SEMA3B: variants seen among roughly 807,000 people sequenced by gnomAD.
SEMA3B encodes the protein semaphorin 3B, also known as semaphorin-3B.
Under a neutral mutation model 77.8 loss-of-function variants are expected in SEMA3B, and 71 were observed. That is an observed-to-expected ratio of 0.91 (90% CI 0.75 to 1.11). SEMA3B has a LOEUF of 1.11. Among genes scored for constraint, SEMA3B ranks in the 50% most tolerant of loss-of-function variants. The probability of loss-of-function intolerance (pLI) is 0.00; values close to 1 mark genes in which losing one functional copy is unlikely to be tolerated. For missense variants in SEMA3B, 968 were observed against 1,056.8 expected, an observed-to-expected ratio of 0.92 and a Z score of 1.17; for synonymous variants, 470 against 452.9, an observed-to-expected ratio of 1.04 and a Z score of -0.48.
rs1701225343 is a variant in SEMA3B at position 50,275,997 on chromosome 3, C to T, written c.1845+153C>T. 1 of 1,091,766 alleles carries T rather than the reference C, an allele frequency of 9.2e-7. No individual in the cohort carries two copies. The highest frequency in any genetic ancestry group is 1.3e-6 in the Non-Finnish European group (1 of 788,818). The allele number at this position is 1,091,766 out of a possible 1,614,324, so 67.6% of individuals were successfully genotyped here. A position where few individuals can be genotyped will look rare whatever the true frequency, so the allele number is the denominator to read the frequency against. ...ACCTGCACTCCACAAGCTGCTGAGG[C>T]CCCATTGCGTCCAACGGGGCTCCCG... is the stretch of plus-strand genomic sequence containing the variant. On this transcript the variant is annotated intron_variant, in intron 16 of 16. Coordinates refer to ENST00000616701, the MANE Select transcript of SEMA3B (RefSeq NM_001290060.2). This position sits in a 1 kb window ranked among gnomAD's most constrained non-coding sequence, Gnocchi z 7.5.
Position 50,273,537 on chromosome 3 carries a change from C to G in SEMA3B, c.813C>G (p.Asn271Lys), listed in dbSNP as rs782817277. The change falls in exon 8 of 17, where the codon AAC becomes AAG. Residue 271 changes from asparagine (N) to lysine (K), a missense_variant and splice_region_variant. Coordinates refer to ENST00000616701, the MANE Select transcript of SEMA3B (RefSeq NM_001290060.2). The surrounding 1 kb of genome is among the most constrained non-coding windows in gnomAD (Gnocchi z 6.5). ...SVSRVGQICR[N>K]DVGGQRSLVN... ...ATCCCCTTTGATCGTCCCGGCAGAA[C>G]GACGTGGGCGGCCAGCGCAGCCTGG... is the stretch of plus-strand genomic sequence containing the variant. The G allele has an allele frequency of 6.2e-7, 1 of 1,612,430 alleles. No homozygotes were observed.
At position 50,276,587 on chromosome 3, in the gene SEMA3B, C is replaced by T. The variant is rs782506368; in HGVS notation, c.2131C>T (p.Arg711Cys). The change falls in exon 17 of 17, where the codon CGC (arginine) becomes TGC (cysteine). Residue 711 changes from arginine to cysteine, a missense_variant. Coordinates refer to ENST00000616701, the MANE Select transcript of SEMA3B (RefSeq NM_001290060.2). This position sits in a 1 kb window ranked among gnomAD's most constrained non-coding sequence, Gnocchi z 5.8. ...CAGCGCGAACTCCCTGCGCATGTGC[C>T]GCCCGCAGCCTGCGCTGCAGTCACT... ...GGSANSLRMC[R>C]PQPALQSLPL... The T allele has an allele frequency of 6.4e-6, 10 of 1,563,298 alleles. No individual in the cohort carries two copies. The highest frequency in any genetic ancestry group is 8.6e-6 in the Non-Finnish European group (10 of 1,160,616).
In SEMA3B at chr3:50,270,949, C is replaced by G. The variant is rs1553705238; in HGVS notation, c.390C>G (p.Ala130=). 1 of 1,611,812 alleles carries G rather than the reference C, an allele frequency of 6.2e-7. No individual in the cohort carries two copies. Among genetic ancestry groups the G allele is most frequent in the Non-Finnish European group, 8.5e-7 (1 of 1,179,000 alleles). The part of the protein sequence containing the change: ...LHAYNRTHLL[A]CGTGAFHPTC... ...CCTACAACCGCACCCATTTGCTGGC[C>G]TGTGGCACGGGAGCCTTCCACCCAA... Residue 130 remains alanine (A), a synonymous_variant, in exon 4 of 17, where the codon GCC becomes GCG. Transcript: ENST00000616701. This position sits in a 1 kb window ranked among gnomAD's most constrained non-coding sequence, Gnocchi z 4.7.
Position 50,274,667 on chromosome 3 carries a change from T to C in SEMA3B, c.1357+85T>C. On this transcript the variant is annotated intron_variant, in intron 11 of 16. Coordinates refer to ENST00000616701, the MANE Select transcript of SEMA3B (RefSeq NM_001290060.2). The surrounding 1 kb of genome is among the most constrained non-coding windows in gnomAD (Gnocchi z 4.7). Reference sequence around the variant, plus strand: ...GAAGCTCTCCCTGTTCAGTCCCATCTCCACATCCTTTCCTGGGCTGTGTCT... The same window carrying C: ...GAAGCTCTCCCTGTTCAGTCCCATCCCCACATCCTTTCCTGGGCTGTGTCT... The C allele has an allele frequency of 1.4e-6, 2 of 1,462,336 alleles. No homozygotes were observed. The highest frequency in any genetic ancestry group is 1.9e-6 in the Non-Finnish European group (2 of 1,076,488). The allele number at this position is 1,462,336 out of a possible 1,614,324, so 90.6% of individuals were successfully genotyped here.
Position 50,275,465 on chromosome 3 carries a change from CG to C in SEMA3B, c.1649+10del, listed in dbSNP as rs1553706405. 1 of 1,540,038 alleles carries C rather than the reference CG, an allele frequency of 6.5e-7. No homozygotes were observed. The highest frequency in any genetic ancestry group is 8.8e-7 in the Non-Finnish European group (1 of 1,134,958). ...TTCCAGCCCAGTGCCAAGAGGTGGG[CG>C]GGGTCGGGGTTGGGCCGCCGGGAGG... On this transcript the variant is annotated splice_region_variant and intron_variant, in intron 14 of 16. Coordinates refer to ENST00000616701, the MANE Select transcript of SEMA3B (RefSeq NM_001290060.2). This position sits in a 1 kb window ranked among gnomAD's most constrained non-coding sequence, Gnocchi z 7.5.
chr3:50,275,668 C>CTGCCT lies in SEMA3B; in HGVS notation c.1706-31_1706-27dup, dbSNP rs1701211964. 3.1e-6 allele frequency: 5 copies of CTGCCT among 1,612,916 alleles called. No individual in the cohort carries two copies. Among genetic ancestry groups the CTGCCT allele is most frequent in the Admixed American group, 1.7e-5 (1 of 59,982 alleles). On this transcript the variant is annotated intron_variant, in intron 15 of 16. Transcript: ENST00000616701. This position sits in a 1 kb window ranked among gnomAD's most constrained non-coding sequence, Gnocchi z 7.5. ...AGCCCCAGAAGACGCCCCACCTGCC[C>CTGCCT]TGCCTTGCCTAAATCTGACTTTCTT...
In SEMA3B at chr3:50,274,567, C is replaced by A. The variant is rs374036048; in HGVS notation, c.1342C>A (p.Leu448Ile). Residue 448 changes from leucine (L) to isoleucine (I), a missense_variant, in exon 11 of 17, where the codon CTC becomes ATC. Transcript: ENST00000616701. The surrounding 1 kb of genome is among the most constrained non-coding windows in gnomAD (Gnocchi z 4.7). The stretch of plus-strand genomic sequence containing the variant: ...AGCCGCTGACGGACACTATGACGTC[C>A]TCTTCATTGGCACAGGTCAGGGTCC... ...VAAADGHYDVLFIGTDVGTVL... is the reference protein window; with the variant it reads ...VAAADGHYDVIFIGTDVGTVL... The A allele has an allele frequency of 1.9e-6, 3 of 1,541,094 alleles. No homozygotes were observed. Among genetic ancestry groups the A allele is most frequent in the African/African-American group, 2.8e-5 (2 of 72,574 alleles).
rs587774246 is a variant in SEMA3B, at chr3:50,276,692, G to A, written c.2236G>A (p.Ala746Thr). Reference sequence around the variant, plus strand: ...TCGCGCTGAGCGGGGGCCGCGCAGCGCAACGCACTGGTGACCAGACTGTCC... The same window carrying A: ...TCGCGCTGAGCGGGGGCCGCGCAGCACAACGCACTGGTGACCAGACTGTCC... ...EPRAERGPRS[A>T]THW The change falls in exon 17 of 17, where the codon GCA becomes ACA. Residue 746 changes from alanine to threonine, a missense_variant. By Grantham distance (58) the Ala-to-Thr change is moderately conservative. Coordinates refer to ENST00000616701, the MANE Select transcript of SEMA3B (RefSeq NM_001290060.2). The surrounding 1 kb of genome is among the most constrained non-coding windows in gnomAD (Gnocchi z 5.8). 6.5e-7 allele frequency: 1 copy of A among 1,537,298 alleles called. No individual in the cohort carries two copies. The highest frequency in any genetic ancestry group is 8.7e-7 in the Non-Finnish European group (1 of 1,149,804).
the SEMA3B span, chr3:50,260,469 A>T: frequency 6.6e-6 from 1 of 152,118 alleles, no homozygotes; most frequent in Non-Finnish European, 1.5e-5. Context: ...GGCGCCCCCC[A>T]GGCCCGGTCC....
At chr3:50,260,766 G>A in the SEMA3B span, 1 of 152,444 alleles carries the variant, frequency 6.6e-6, no homozygotes, top group Admixed American at 6.5e-5. Flanking sequence ...CTCCCTCCCT[G>A]GGTGGGCCAT....
rs1553705906 is a variant in SEMA3B, at chr3:50,273,811, C to G, written c.975C>G (p.Ala325=). 6.3e-7 allele frequency: 1 copy of G among 1,583,132 alleles called. No individual in the cohort carries two copies. Among genetic ancestry groups the G allele is most frequent in the Non-Finnish European group, 8.6e-7 (1 of 1,165,568 alleles). The change falls in exon 9 of 17, where the codon GCC becomes GCG. Residue 325 remains alanine (A), a synonymous_variant. Coordinates refer to ENST00000616701, the MANE Select transcript of SEMA3B (RefSeq NM_001290060.2). The surrounding 1 kb of genome is among the most constrained non-coding windows in gnomAD (Gnocchi z 6.5). ...SRDHRTPLLY[A]VFSTSSSIFQ... ...ACCACCGGACCCCGCTGCTCTATGC[C>G]GTCTTCTCCACGTCCAGGTGAGGGG...
Position 50,270,538 on chromosome 3 carries a change from C to G in SEMA3B, c.330+43C>G. The G allele has an allele frequency of 6.2e-7, 1 of 1,612,078 alleles. No homozygotes were observed. Among genetic ancestry groups the G allele is most frequent in the Non-Finnish European group, 8.5e-7 (1 of 1,179,310 alleles). ...GGGCCGGGAGTGGGGAGGGTCAGCC[C>G]CTCACCCCAGAGACAGGGCAGGGCT... On this transcript the variant is annotated intron_variant, in intron 3 of 16. Coordinates refer to ENST00000616701, the MANE Select transcript of SEMA3B (RefSeq NM_001290060.2). The surrounding 1 kb of genome is among the most constrained non-coding windows in gnomAD (Gnocchi z 4.7).
rs1409237209 is a variant in SEMA3B, at chr3:50,269,419, G to T, written c.109+70G>T. The T allele has an allele frequency of 1.7e-5, 16 of 959,350 alleles. No individual in the cohort carries two copies. In the Admixed American group the frequency reaches 3.2e-4, roughly 19 times the overall value. 59.4% of individuals were successfully genotyped at this position (959,350 alleles called of 1,614,324 possible). A position where few individuals can be genotyped will look rare whatever the true frequency, so the allele number is the denominator to read the frequency against. ...GGAAAGGGTCCCCGTATGGCCAGGG[G>T]GCTCTGTGTTGGCTGTTGCCCCATG... On this transcript the variant is annotated intron_variant, in intron 1 of 16. Coordinates refer to ENST00000616701, the MANE Select transcript of SEMA3B (RefSeq NM_001290060.2). The surrounding 1 kb of genome is among the most constrained non-coding windows in gnomAD (Gnocchi z 4.0).
In SEMA3B at chr3:50,270,021, G is replaced by A. The variant is rs1701002086; in HGVS notation, c.110-106G>A. 1 of 1,248,640 alleles carries A rather than the reference G, an allele frequency of 8.0e-7. No homozygotes were observed. Among genetic ancestry groups the A allele is most frequent in the South Asian group, 1.6e-5 (1 of 64,346 alleles). The allele number at this position is 1,248,640 out of a possible 1,614,324, so 77.3% of individuals were successfully genotyped here. A position where few individuals can be genotyped will look rare whatever the true frequency, so the allele number is the denominator to read the frequency against. On this transcript the variant is annotated intron_variant, in intron 1 of 16. Transcript: ENST00000616701. The surrounding 1 kb of genome is among the most constrained non-coding windows in gnomAD (Gnocchi z 4.7). The stretch of plus-strand genomic sequence containing the variant: ...ACACATGTAAACTCACATGTGTACA[G>A]GCCAGGTCCTAATGGCAACCTTGGC...
At chr3:50,271,288 C>T in intron 5 of SEMA3B, 73 bp from the exon 6 acceptor site, 1 of 1,548,896 alleles carries the variant, frequency 6.5e-7, no homozygotes. Context: ...ACCTCACTCA[C>T]TCCCAGAGCT....
At chr3:50,267,139 A>C (rs587600327), upstream of SEMA3B, 1 of 152,390 alleles carries the variant, frequency 6.6e-6, no homozygotes, top group South Asian at 2.1e-4. The surrounding 1 kb of genome is among the most constrained non-coding windows in gnomAD (Gnocchi z 5.7). Context: ...TTGAGGAAGG[A>C]TGGGGACTGG....
Position 50,275,303 on chromosome 3 carries a change from A to G in SEMA3B, c.1493A>G (p.His498Arg). 6.4e-7 allele frequency: 1 copy of G among 1,562,518 alleles called. No homozygotes were observed. Among genetic ancestry groups the G allele is most frequent in the Non-Finnish European group, 8.7e-7 (1 of 1,154,664 alleles). The change falls in exon 14 of 17, where the codon CAC becomes CGC. Residue 498 changes from histidine (H) to arginine (R), a missense_variant and splice_region_variant. By Grantham distance (29) the His-to-Arg change is conservative (BLOSUM62 0). Transcript: ENST00000616701. This position sits in a 1 kb window ranked among gnomAD's most constrained non-coding sequence, Gnocchi z 7.5. ...VTSMQISSKR[H>R]QLYVASRSAV... ...CCCAGAGCCCCTCGTGCCCCCTAGC[A>G]CCAGCTGTACGTAGCCTCGCGGAGC...
chr3:50,269,434 G>C lies in SEMA3B; in HGVS notation c.109+85G>C. 2.5e-6 allele frequency: 2 copies of C among 796,766 alleles called. No individual in the cohort carries two copies. The highest frequency in any genetic ancestry group is 1.8e-5 in the South Asian group (1 of 54,466). The allele number at this position is 796,766 out of a possible 1,614,324, so 49.4% of individuals were successfully genotyped here. ...ATGGCCAGGGGGCTCTGTGTTGGCT[G>C]TTGCCCCATGTGCGTGCCTGTCACC... On this transcript the variant is annotated intron_variant, in intron 1 of 16. Transcript: ENST00000616701. The surrounding 1 kb of genome is among the most constrained non-coding windows in gnomAD (Gnocchi z 4.0).
Position 50,270,196 on chromosome 3 carries a change from T to G in SEMA3B, c.179T>G (p.Val60Gly). ...ERTCCYQALL[V>G]DEERGRLFVG... ...ACCTGCTGCTACCAGGCCTTGCTGG[T>G]GGATGAGGAGCGTGGACGCCTGTTT... Residue 60 changes from valine (V) to glycine (G), a missense_variant, in exon 2 of 17, where the codon GTG becomes GGG. Coordinates refer to ENST00000616701, the MANE Select transcript of SEMA3B (RefSeq NM_001290060.2). This position sits in a 1 kb window ranked among gnomAD's most constrained non-coding sequence, Gnocchi z 4.7. The G allele has an allele frequency of 6.2e-7, 1 of 1,603,928 alleles. No individual in the cohort carries two copies. Among genetic ancestry groups the G allele is most frequent in the South Asian group, 1.1e-5 (1 of 89,158 alleles).
Sources: allele counts gnomAD v4.1 joint callset, GRCh38; gene constraint gnomAD v4.1.1; non-coding constraint Gnocchi (gnomAD v3.1); transcripts MANE v1.5; gene names NCBI Gene and HGNC (gene_info 2026-07-23, HGNC 2026-07-21).